Variants in MYO3B observed in about 807,000 individuals in gnomAD.
The protein encoded by MYO3B is myosin IIIB.
In MYO3B, 156 loss-of-function variants were observed where a neutral mutation model predicts 174.6. The ratio of observed to expected loss-of-function variants is 0.89; its 90% confidence interval spans 0.78 to 1.02. The LOEUF is 1.02. Among genes scored for constraint, MYO3B ranks in the 50% least tolerant of loss-of-function variants. The pLI, the probability that MYO3B is intolerant of heterozygous loss-of-function variation, is 0.00. For synonymous variants in MYO3B, 563 were observed against 569.1 expected, an observed-to-expected ratio of 0.99 and a Z score of 0.15; for missense variants, 1,632 against 1,639.4, an observed-to-expected ratio of 1.00 and a Z score of 0.08.
intron 1 of MYO3B, among the ~76,000 whole-genome samples, chr2:170,197,443 G>A (rs1255176675): frequency 6.6e-6 from 1 of 152,214 alleles, no homozygotes; most frequent in East Asian, 1.9e-4. Context: ...TGGGAGAAGA[G>A]AGTGAACTGC....
At chr2:170,356,966 A>G (rs1016924125) in intron 8 of MYO3B, among the ~76,000 whole-genome samples, 11 of 151,796 alleles carry the variant, frequency 7.2e-5, no homozygotes, top group Admixed American at 2.6e-4. Context: ...TATTTTTGGT[A>G]GAGACAGGGT....
chr2:170,408,802 A>G (rs551531203), intron 22 of MYO3B, among the ~76,000 whole-genome samples: 2 of 150,256 alleles, frequency 1.3e-5, no homozygotes, highest in African/African-American at 2.4e-5. Flanking sequence ...GCTTCATCTT[A>G]ACTTGGAAGG....
intron 23 of MYO3B, among the ~76,000 whole-genome samples, chr2:170,459,395 T>C (rs1380097228): frequency 6.6e-6 from 1 of 152,166 alleles, no homozygotes. Context: ...CTTACAATCC[T>C]TTAGCCAAAC....
chr2:170,313,859 C>T (rs1251002236), intron 7 of MYO3B, among the ~76,000 whole-genome samples: 1 of 152,122 alleles, frequency 6.6e-6, no homozygotes, highest in Non-Finnish European at 1.5e-5. Context: ...GTGAAACACA[C>T]ACACAGACAC....
chr2:170,628,104 GT>G (rs1696620930), intron 32 of MYO3B, among the ~76,000 whole-genome samples: 2 of 152,164 alleles, frequency 1.3e-5, no homozygotes, highest in South Asian at 4.1e-4. Flanking sequence ...GTCTTCAGAG[GT>G]TTCTGCTGCC....
chr2:170,395,603 A>G (rs973513906), intron 16 of MYO3B, among the ~76,000 whole-genome samples: 1 of 152,222 alleles, frequency 6.6e-6, no homozygotes, highest in African/African-American at 2.4e-5. Context: ...TTGATGACAG[A>G]CAATAGGATA....
intron 25 of MYO3B, among the ~76,000 whole-genome samples, chr2:170,493,790 T>C (rs549756326): frequency 6.6e-6 from 1 of 152,226 alleles, no homozygotes; most frequent in South Asian, 2.1e-4. Context: ...GAAGCCATCT[T>C]CTATATAATG....
chr2:170,549,868 G>A (rs540539080), intron 32 of MYO3B, among the ~76,000 whole-genome samples: 2 of 152,316 alleles, frequency 1.3e-5, no homozygotes, highest in East Asian at 3.9e-4. Context: ...TTGGAAGGGA[G>A]CGCAAGCAGC....
chr2:170,452,383 G>A (rs965615086), intron 23 of MYO3B, among the ~76,000 whole-genome samples: 3 of 152,116 alleles, frequency 2.0e-5, no homozygotes, highest in Non-Finnish European at 4.4e-5. Flanking sequence ...GTTCTCTCAT[G>A]TGGGCATCAA....
At chr2:170,628,252 G>A (rs868591438) in intron 32 of MYO3B, among the ~76,000 whole-genome samples, 11 of 152,168 alleles carry the variant, frequency 7.2e-5, no homozygotes, top group South Asian at 4.1e-4. Context: ...AGTGGCAGGC[G>A]CCCCACCCCC....
intron 22 of MYO3B, among the ~76,000 whole-genome samples, chr2:170,430,766 A>C (rs7564572): frequency 0.14 from 21,420 of 152,254 alleles, 1,737 homozygotes; most frequent in African/African-American, 0.24. Flanking sequence ...TATCAGAAGA[A>C]TAGTAACCTG....
chr2:170,320,540 T>C (rs1247228939), intron 7 of MYO3B, among the ~76,000 whole-genome samples: 2 of 152,196 alleles, frequency 1.3e-5, no homozygotes, highest in Non-Finnish European at 2.9e-5. Flanking sequence ...TATGTTTTTG[T>C]GAATGTTTCA....
chr2:170,189,266 CT>C (rs2092509994), intron 1 of MYO3B, among the ~76,000 whole-genome samples: 1 of 151,954 alleles, frequency 6.6e-6, no homozygotes, highest in Admixed American at 6.6e-5. Flanking sequence ...TATTTTTCAC[CT>C]TTTGCAGTTT....
intron 29 of MYO3B, among the ~76,000 whole-genome samples, chr2:170,516,205 A>T (rs1401925099): frequency 6.6e-6 from 1 of 152,054 alleles, no homozygotes; most frequent in Non-Finnish European, 1.5e-5. Flanking sequence ...ACGATTCCCC[A>T]TCCTCTTTGC....
chr2:170,346,848 T>C (rs1030795090), intron 8 of MYO3B, among the ~76,000 whole-genome samples: 7 of 152,340 alleles, frequency 4.6e-5, no homozygotes, highest in African/African-American at 1.7e-4. Flanking sequence ...CTCCCTGCAA[T>C]GCTGTGTTAA....
At chr2:170,639,275 A>G (rs1424258598) in intron 32 of MYO3B, among the ~76,000 whole-genome samples, 1 of 152,198 alleles carries the variant, frequency 6.6e-6, no homozygotes, top group Non-Finnish European at 1.5e-5. Flanking sequence ...GCTGCCTGGC[A>G]TTGTGGGTCC....
chr2:170,468,115 G>A (rs996248481), intron 25 of MYO3B, among the ~76,000 whole-genome samples: 1 of 152,156 alleles, frequency 6.6e-6, no homozygotes, highest in African/African-American at 2.4e-5. Flanking sequence ...GTAAATCTGA[G>A]GATATCAAAG....
At chr2:170,435,247 G>A (rs1355731347) in intron 22 of MYO3B, among the ~76,000 whole-genome samples, 2 of 152,190 alleles carry the variant, frequency 1.3e-5, no homozygotes, top group Non-Finnish European at 2.9e-5. Flanking sequence ...TTTTAGGAGG[G>A]TCTTTCAAAG....
chr2:170,625,887 G>A (rs1047540428), intron 32 of MYO3B, among the ~76,000 whole-genome samples: 25 of 152,200 alleles, frequency 1.6e-4, no homozygotes, highest in Non-Finnish European at 3.4e-4. Flanking sequence ...TTAATCCTGA[G>A]TTCTAGTTTG....
Sources: gnomAD v4.1 joint callset for allele counts (sites outside exome capture counted in the v4.1 genomes callset) on GRCh38, gnomAD v4.1.1 for gene constraint, MANE v1.5 for transcripts, NCBI Gene and HGNC (gene_info 2026-07-23, HGNC 2026-07-21) for gene names.